PSMA6: variants seen among roughly 807,000 people sequenced by gnomAD.
The protein encoded by PSMA6 is proteasome subunit alpha type-6.
For missense variants in PSMA6, 170 were observed against 294.8 expected (o/e 0.58, Z 3.10); for synonymous variants, 88 against 97.7 (o/e 0.90, Z 0.59).
At chr14:35,283,475 T>C (rs1343119511) in intron 1 of PSMA6, among the ~76,000 whole-genome samples, 2 of 152,048 alleles carry the variant, frequency 1.3e-5, no homozygotes, top group Admixed American at 6.6e-5. Flanking sequence ...GATGTTGGGT[T>C]GTGGATGATT....
chr14:35,314,660 T>TGA, intron 6 of PSMA6: 1 of 478,828 alleles, frequency 2.1e-6, no homozygotes, highest in African/African-American at 2.0e-5. Context: ...TTTCTCCTTA[T>TGA]TTCAGAGTGA....
intron 1 of PSMA6, among the ~76,000 whole-genome samples, chr14:35,283,064 C>CAA (rs2051383881): frequency 6.6e-6 from 1 of 151,902 alleles, no homozygotes; most frequent in Non-Finnish European, 1.5e-5. Flanking sequence ...AGGCTGGTGT[C>CAA]AAACTCCTGA....
intron 1 of PSMA6, among the ~76,000 whole-genome samples, chr14:35,297,116 A>G (rs1485806638): frequency 7.1e-6 from 1 of 140,220 alleles, no homozygotes; most frequent in Non-Finnish European, 1.5e-5. Flanking sequence ...AAATCTTAAC[A>G]AAGTTTTTTT....
rs1453599284 is a variant in PSMA6 at position 35,312,580 on chromosome 14, T to C, written c.410-301T>C. 3.3e-5 allele frequency among the ~76,000 whole-genome samples: 5 copies of C among 151,260 alleles called. No homozygotes were observed. The East Asian group carries it at 9.7e-4, about 29-fold the overall frequency. On this transcript the variant is annotated intron_variant, in intron 4 of 6. Transcript: ENST00000261479. ...CAGGCAACATCTTGAAGGATTAGGGTTCAAATAAACATGCTTGGATAACAG... is the reference window on the plus strand; with the variant it reads ...CAGGCAACATCTTGAAGGATTAGGGCTCAAATAAACATGCTTGGATAACAG...
intron 1 of PSMA6, among the ~76,000 whole-genome samples, chr14:35,306,900 A>C (rs1036874799): frequency 1.2e-4 from 19 of 152,020 alleles, no homozygotes; most frequent in Non-Finnish European, 1.8e-4. Context: ...TAATCCTAAC[A>C]CTTTGGGAGG....
chr14:35,296,505 A>AT, intron 1 of PSMA6, among the ~76,000 whole-genome samples: 1 of 151,614 alleles, frequency 6.6e-6, no homozygotes, highest in Non-Finnish European at 1.5e-5. Flanking sequence ...TAGTTTTTGT[A>AT]TTTTTTGTAG....
rs192161979 is a variant in PSMA6 at position 35,308,169 on chromosome 14, C to T, written c.171+81C>T. On this transcript the variant is annotated intron_variant, in intron 2 of 6. Transcript: ENST00000261479. ...AAGTGCAGTGGCTCACACCTGTAAT[C>T]CCAGCACTTTGGGAGGCTGAGGTGG... 3,017 of 1,549,532 alleles carry T rather than the reference C, an allele frequency of 1.9e-3. 3 individuals carry two copies. Among genetic ancestry groups the T allele is most frequent in the Middle Eastern group, 3.4e-3 (17 of 5,054 alleles).
intron 1 of PSMA6, among the ~76,000 whole-genome samples, chr14:35,305,622 A>G (rs952451562): frequency 1.3e-5 from 2 of 152,242 alleles, no homozygotes; most frequent in Non-Finnish European, 2.9e-5. Flanking sequence ...TGAACAGATG[A>G]GGCCTTGGCT....
chr14:35,295,722 G>A (rs1469564960), intron 1 of PSMA6, among the ~76,000 whole-genome samples: 2 of 152,172 alleles, frequency 1.3e-5, no homozygotes, highest in African/African-American at 4.8e-5. Flanking sequence ...AAAGTGCTGG[G>A]ATTACAGGCA....
upstream of PSMA6, chr14:35,292,311 C>A: frequency 6.9e-7 from 1 of 1,447,504 alleles, no homozygotes; most frequent in Non-Finnish European, 9.1e-7. Flanking sequence ...GGCCTCAGAG[C>A]TCAGTGCTCG....
intron 1 of PSMA6, among the ~76,000 whole-genome samples, chr14:35,296,516 A>G (rs938868070): frequency 1.3e-5 from 2 of 151,896 alleles, no homozygotes; most frequent in Non-Finnish European, 2.9e-5. Context: ...TTTTTTGTAG[A>G]AACAGGGTTT....
chr14:35,291,148 C>G (rs923609593), upstream of PSMA6, among the ~76,000 whole-genome samples: 32 of 152,012 alleles, frequency 2.1e-4, no homozygotes, highest in African/African-American at 7.7e-4. Context: ...CGCGCCACCA[C>G]GCACAGCTAA....
At chr14:35,303,505 A>C (rs186640563) in intron 1 of PSMA6, among the ~76,000 whole-genome samples, 1 of 152,294 alleles carries the variant, frequency 6.6e-6, no homozygotes, top group Non-Finnish European at 1.5e-5. Flanking sequence ...GAGCCACAAA[A>C]ATGGGAAACT....
At position 35,312,964 on chromosome 14, in the gene PSMA6, G is replaced by T; in HGVS notation, c.493G>T (p.Ala165Ser). 6.3e-7 allele frequency: 1 copy of T among 1,588,480 alleles called. No homozygotes were observed. Among genetic ancestry groups the T allele is most frequent in the Non-Finnish European group, 8.5e-7 (1 of 1,172,708 alleles). The part of the protein sequence containing the change: ...DPAGYYCGFK[A>S]TAAGVKQTES... Reference sequence around the variant, plus strand: ...TGCAGGTTACTACTGTGGGTTTAAAGCCACTGCAGCGGGAGTTAAACAAAC... The same window carrying T: ...TGCAGGTTACTACTGTGGGTTTAAATCCACTGCAGCGGGAGTTAAACAAAC... The change falls in exon 5 of 7, where the codon GCC (alanine) becomes TCC (serine). Residue 165 changes from alanine to serine, a missense_variant. Physicochemically the swap from Ala to Ser is moderately conservative, Grantham distance 99. Coordinates refer to ENST00000261479, the MANE Select transcript of PSMA6 (RefSeq NM_002791.3).
At chr14:35,312,049 T>C (rs2051953489) in intron 4 of PSMA6, among the ~76,000 whole-genome samples, 1 of 152,144 alleles carries the variant, frequency 6.6e-6, no homozygotes, top group African/African-American at 2.4e-5. Context: ...TTATTTATTA[T>C]CTGTTTCCAG....
chr14:35,296,370 G>A (rs1262148796), intron 1 of PSMA6, among the ~76,000 whole-genome samples: 3 of 152,044 alleles, frequency 2.0e-5, no homozygotes, highest in Non-Finnish European at 2.9e-5. Context: ...TCACTTGGTC[G>A]CCCAGGCTAG....
intron 1 of PSMA6, among the ~76,000 whole-genome samples, chr14:35,287,155 A>G (rs984517837): frequency 6.6e-6 from 1 of 152,178 alleles, no homozygotes; most frequent in Non-Finnish European, 1.5e-5. Context: ...TGAGAAAGAC[A>G]AAAAAGGGAA....
chr14:35,286,879 A>G (rs2051426388), intron 1 of PSMA6, among the ~76,000 whole-genome samples: 1 of 152,022 alleles, frequency 6.6e-6, no homozygotes, highest in Non-Finnish European at 1.5e-5. Flanking sequence ...GTTACAGACA[A>G]GGGGGCAGAG....
chr14:35,298,760 G>GT (rs201092718), intron 1 of PSMA6, among the ~76,000 whole-genome samples: 1,783 of 152,046 alleles, frequency 0.012, 32 homozygotes, highest in African/African-American at 0.038. Flanking sequence ...TGGAGACAGA[G>GT]TTTCACTCGG....
Sources: allele counts gnomAD v4.1 joint callset (sites outside exome capture counted in the v4.1 genomes callset), GRCh38; gene constraint gnomAD v4.1.1; transcripts MANE v1.5; gene names NCBI Gene and HGNC (gene_info 2026-07-23, HGNC 2026-07-21).